Variants in DCBLD2 observed in about 807,000 individuals in gnomAD.
The protein encoded by DCBLD2 is discoidin, CUB and LCCL domain containing 2, also known as discoidin, CUB and LCCL domain-containing protein 2.
Under a neutral mutation model 86.8 loss-of-function variants are expected in DCBLD2, and 54 were observed. The observed-to-expected ratio is 0.62, with a 90% CI of 0.50 to 0.78. DCBLD2 has a LOEUF of 0.78. DCBLD2 is among the 30% of genes least tolerant of loss of function. The probability of loss-of-function intolerance (pLI) is 0.00; values close to 1 mark genes in which losing one functional copy is unlikely to be tolerated. For synonymous variants in DCBLD2, 354 were observed against 341.3 expected (o/e 1.04, Z -0.41); for missense variants, 908 against 954.2 (o/e 0.95, Z 0.64).
At chr3:98,883,134 A>G (rs1029856018) in intron 1 of DCBLD2, among the ~76,000 whole-genome samples, 1 of 152,190 alleles carries the variant, frequency 6.6e-6, no homozygotes, top group African/African-American at 2.4e-5. Flanking sequence ...ATGAGATAGT[A>G]TCTCATTGTG....
chr3:98,882,077 C>G (rs767040955), intron 1 of DCBLD2, among the ~76,000 whole-genome samples: 6 of 149,464 alleles, frequency 4.0e-5, no homozygotes, highest in Non-Finnish European at 7.4e-5. Context: ...GTGGTAGATT[C>G]CTCCTATCTA....
intron 1 of DCBLD2, among the ~76,000 whole-genome samples, chr3:98,884,505 A>C (rs1001337396): frequency 9.2e-5 from 14 of 152,064 alleles, no homozygotes; most frequent in African/African-American, 3.4e-4. Flanking sequence ...ATATAAAAAA[A>C]TCTACTGTGA....
chr3:98,854,489 C>A (rs893733482), intron 2 of DCBLD2, among the ~76,000 whole-genome samples: 16 of 152,062 alleles, frequency 1.1e-4, no homozygotes, highest in Admixed American at 8.5e-4. Flanking sequence ...GACTTGCCTG[C>A]AGAAGATAAT....
intron 1 of DCBLD2, among the ~76,000 whole-genome samples, chr3:98,885,819 G>C (rs2107526104): frequency 6.6e-6 from 1 of 151,822 alleles, no homozygotes; most frequent in Middle Eastern, 3.4e-3. Context: ...GGACCCCACA[G>C]AAGCAATTTT....
chr3:98,829,530 A>G (rs933611915), intron 3 of DCBLD2, among the ~76,000 whole-genome samples: 1 of 152,108 alleles, frequency 6.6e-6, no homozygotes, highest in Admixed American at 6.6e-5. Context: ...AACATGTGGT[A>G]TTTGGTTTTC....
In DCBLD2 at chr3:98,881,445, C is replaced by T. The variant is rs1000803041; in HGVS notation, c.433+95G>A. 5 of 1,153,064 alleles carry T rather than the reference C, an allele frequency of 4.3e-6. No individual in the cohort carries two copies. In the African/African-American group the frequency reaches 4.6e-5, roughly 11 times the overall value. 71.4% of individuals were successfully genotyped at this position (1,153,064 alleles called of 1,614,324 possible). A position where few individuals can be genotyped will look rare whatever the true frequency, so the allele number is the denominator to read the frequency against. ...ATATTCAATAATTTCCCACATAGCA[C>T]CTTACACTGCATGGTTATTTAATGT... On this transcript the variant is annotated intron_variant, in intron 2 of 15. Transcript: ENST00000326840.
At chr3:98,882,624 G>A (rs377195481) in intron 1 of DCBLD2, among the ~76,000 whole-genome samples, 1 of 152,024 alleles carries the variant, frequency 6.6e-6, no homozygotes, top group Non-Finnish European at 1.5e-5. Context: ...CCCTGTGTAC[G>A]TGTGTTCTCA....
intron 13 of DCBLD2, among the ~76,000 whole-genome samples, chr3:98,806,433 TCTC>T (rs1423388473): frequency 6.6e-6 from 1 of 152,168 alleles, no homozygotes; most frequent in Non-Finnish European, 1.5e-5. Context: ...CATCATACTC[TCTC>T]CTCTTTGGAA....
intron 2 of DCBLD2, among the ~76,000 whole-genome samples, chr3:98,853,380 A>T (rs1341645323): frequency 6.6e-6 from 1 of 152,240 alleles, no homozygotes; most frequent in Non-Finnish European, 1.5e-5. Flanking sequence ...CTTAAGTAGC[A>T]GCTGTCCCCT....
intron 1 of DCBLD2, among the ~76,000 whole-genome samples, chr3:98,896,449 T>A (rs760223440): frequency 5.3e-5 from 8 of 152,220 alleles, no homozygotes; most frequent in Admixed American, 5.2e-4. Flanking sequence ...GAATGTCTTA[T>A]GATAAAATTT....
At chr3:98,870,739 A>AAGAAAGAAAGAAAG (rs1559794415) in intron 2 of DCBLD2, among the ~76,000 whole-genome samples, 1 of 49,316 alleles carries the variant, frequency 2.0e-5, no homozygotes, top group Non-Finnish European at 4.1e-5. Context: ...AAGAAAGAAA[A>AAGAAAGAAAGAAAG]AGAAAGAAAG....
chr3:98,891,945 T>C (rs1488928465), intron 1 of DCBLD2, among the ~76,000 whole-genome samples: 2 of 152,162 alleles, frequency 1.3e-5, no homozygotes, highest in Non-Finnish European at 2.9e-5. Flanking sequence ...CAGGTTACCA[T>C]ACCAACCTAT....
chr3:98,884,495 A>T (rs893030538), intron 1 of DCBLD2, among the ~76,000 whole-genome samples: 4 of 151,992 alleles, frequency 2.6e-5, no homozygotes, highest in Non-Finnish European at 5.9e-5. Flanking sequence ...AAACATAGGG[A>T]TATAAAAAAA....
At chr3:98,899,643 A>G (rs1268318037) in intron 1 of DCBLD2, among the ~76,000 whole-genome samples, 1 of 152,172 alleles carries the variant, frequency 6.6e-6, no homozygotes, top group Non-Finnish European at 1.5e-5. Flanking sequence ...TAATAACATG[A>G]TACAAACACT....
At chr3:98,860,672 G>A (rs1278817872) in intron 2 of DCBLD2, among the ~76,000 whole-genome samples, 5 of 152,118 alleles carry the variant, frequency 3.3e-5, no homozygotes, top group African/African-American at 7.2e-5. Context: ...ACAAGCAAAC[G>A]CTGACAGATT....
chr3:98,799,221 G>T lies in DCBLD2; in HGVS notation c.*151C>A. On this transcript the variant is annotated 3_prime_UTR_variant, in exon 16 of 16. Coordinates refer to ENST00000326840, the MANE Select transcript of DCBLD2 (RefSeq NM_080927.4). ...ATAACACCTTAAAGCAAGATGGCAA[G>T]ATTAGTAGTTTCCTGTACCTCAGTC... The T allele has an allele frequency of 1.3e-6, 1 of 788,758 alleles. No homozygotes were observed. The highest frequency in any genetic ancestry group is 2.0e-6 in the Non-Finnish European group (1 of 510,320). 48.9% of individuals were successfully genotyped at this position (788,758 alleles called of 1,614,324 possible).
chr3:98,887,609 T>C (rs1576204933), intron 1 of DCBLD2, among the ~76,000 whole-genome samples: 1 of 152,156 alleles, frequency 6.6e-6, no homozygotes, highest in Non-Finnish European at 1.5e-5. Context: ...TATATCTTTC[T>C]CCATCCCTAC....
At position 98,822,660 on chromosome 3, in the gene DCBLD2, C is replaced by G. The variant is rs1258769570; in HGVS notation, c.696+9G>C. On this transcript the variant is annotated intron_variant, in intron 5 of 15. Coordinates refer to ENST00000326840, the MANE Select transcript of DCBLD2 (RefSeq NM_080927.4). ...TCACAATTTTCAAATAAGTTTATAT[C>G]TGGCTTACATCTCTATATCCATGAG... The G allele has an allele frequency of 8.3e-6, 13 of 1,565,818 alleles. No homozygotes were observed. The highest frequency in any genetic ancestry group is 2.0e-5 in the Admixed American group (1 of 51,180).
intron 3 of DCBLD2, among the ~76,000 whole-genome samples, chr3:98,847,145 G>GC (rs1942741153): frequency 6.6e-6 from 1 of 152,182 alleles, no homozygotes. Flanking sequence ...ACACGTGTAT[G>GC]CATGTGTACA....
Sources: allele counts gnomAD v4.1 joint callset (sites outside exome capture counted in the v4.1 genomes callset), GRCh38; gene constraint gnomAD v4.1.1; transcripts MANE v1.5; gene names NCBI Gene and HGNC (gene_info 2026-07-23, HGNC 2026-07-21).